NBPF12: variants seen among roughly 807,000 people sequenced by gnomAD.
NBPF12 encodes NBPF family member NBPF12.
A neutral mutation model predicts 146.4 loss-of-function variants in NBPF12; 115 were observed. The ratio of observed to expected loss-of-function variants is 0.79; its 90% confidence interval spans 0.68 to 0.92. The LOEUF (loss-of-function observed/expected upper bound fraction) is 0.92, where lower values mean the gene tolerates loss of function less well. Among genes scored for constraint, NBPF12 ranks in the 40% least tolerant of loss-of-function variants. NBPF12 has a pLI of 0.00. For missense variants in NBPF12, 1,205 were observed against 1,326.8 expected, an observed-to-expected ratio of 0.91 and a Z score of 1.43; for synonymous variants, 385 against 508.9, an observed-to-expected ratio of 0.76 and a Z score of 3.28.
intron 1 of NBPF12, among the ~76,000 whole-genome samples, chr1:146,941,758 CAA>C (rs1226007703): frequency 9.7e-5 from 6 of 61,832 alleles, no homozygotes; most frequent in South Asian, 5.6e-4. Flanking sequence ...TGTCTTGTAC[CAA>C]AAAAAAAAAA....
chr1:146,970,203 G>A lies in NBPF12; in HGVS notation c.1307-444G>A, dbSNP rs1354669373. Among the ~76,000 whole-genome samples, 43 of 150,662 alleles carry A rather than the reference G, an allele frequency of 2.9e-4. 2 individuals carry two copies. Among genetic ancestry groups the A allele is most frequent in the Non-Finnish European group, 4.7e-4 (32 of 67,934 alleles). ...GGATAGAATGTCCCTGAATAACACA[G>A]CAGAAGCCACATGGAGGGCCTGTGC... On this transcript the variant is annotated intron_variant, in intron 11 of 33. Coordinates refer to ENST00000617844, the Ensembl canonical transcript of NBPF12.
At chr1:146,994,097 TGTCTC>T (rs1658358702) in intron 33 of NBPF12, among the ~76,000 whole-genome samples, 1 of 66,560 alleles carries the variant, frequency 1.5e-5, no homozygotes, top group Non-Finnish European at 3.2e-5. Flanking sequence ...ACTTTCTCTC[TGTCTC>T]TGTCTCTGTC....
At chr1:146,966,048 A>C (rs1312506511) in intron 8 of NBPF12, among the ~76,000 whole-genome samples, 21 of 151,826 alleles carry the variant, frequency 1.4e-4, no homozygotes, top group Non-Finnish European at 2.6e-4. Context: ...CAGAGGTGGC[A>C]GTGAGCTGAG....
rs2101904931 is a variant in NBPF12 at position 146,982,989 on chromosome 1, ACT to A, written c.2518_2519del (p.Ser840AsnfsTer4). 1.2e-6 allele frequency: 2 copies of A among 1,608,552 alleles called. No homozygotes were observed. Among genetic ancestry groups the A allele is most frequent in the Non-Finnish European group, 1.7e-6 (2 of 1,179,472 alleles). On this transcript the variant is annotated frameshift_variant, in exon 20 of 34. Coordinates refer to ENST00000617844, the Ensembl canonical transcript of NBPF12. LOFTEE classifies it high-confidence loss of function. Reference sequence around the variant, plus strand: ...GGAGTCCTGGGATGAAGGTTATTCGACTCTCTCAATTCCTCCTGAAAGGTTGG... The same window carrying A: ...GGAGTCCTGGGATGAAGGTTATTCGACTCTCAATTCCTCCTGAAAGGTTGG...
At chr1:146,976,771 A>G (rs1223805218) in intron 16 of NBPF12, among the ~76,000 whole-genome samples, 158 bp from the exon 20 acceptor site, 4 of 150,162 alleles carry the variant, frequency 2.7e-5, no homozygotes, top group Non-Finnish European at 5.9e-5. Flanking sequence ...ATGGACCAGG[A>G]AACCATGCCA....
At chr1:146,938,504 G>A (rs1654633681), upstream of NBPF12, among the ~76,000 whole-genome samples, 1 of 152,276 alleles carries the variant, frequency 6.6e-6, no homozygotes, top group African/African-American at 2.4e-5. Context: ...GAGGCGGAGG[G>A]GAGAGAGGGA....
At chr1:146,964,130 G>A (rs1425181658) in intron 6 of NBPF12, among the ~76,000 whole-genome samples, 5 of 145,576 alleles carry the variant, frequency 3.4e-5, no homozygotes, top group South Asian at 2.4e-4. Flanking sequence ...GAAGCAAAAG[G>A]TCTTTTCAGT....
At chr1:146,995,237 G>T (rs1238768615) in exon 34 of NBPF12, 2 of 124,688 alleles carry the variant, frequency 1.6e-5, no homozygotes, top group African/African-American at 6.7e-5. Context: ...GAGAACAGGA[G>T]TCAGGAGCCG....
At chr1:146,962,396 C>A in intron 5 of NBPF12, 133 bp downstream of exon 8, 2 of 730,002 alleles carry the variant, frequency 2.7e-6, no homozygotes, top group South Asian at 3.1e-5. Flanking sequence ...GCTCATGACA[C>A]ACAAATATTT....
intron 13 of NBPF12, 77 bp from the exon 17 acceptor site, chr1:146,972,674 C>G: frequency 8.5e-7 from 1 of 1,173,234 alleles, no homozygotes; most frequent in Non-Finnish European, 1.3e-6. Context: ...CTACCAGTGA[C>G]ATCCCTCAGT....
chr1:146,944,990 TCCTC>T (rs1264955935), upstream of NBPF12, among the ~76,000 whole-genome samples: 18 of 16,552 alleles, frequency 1.1e-3, no homozygotes, highest in African/African-American at 4.2e-3. Flanking sequence ...CTGCCTTCCT[TCCTC>T]CCTCCCTCCC....
intron 19 of NBPF12, among the ~76,000 whole-genome samples, chr1:146,981,206 A>G (rs1334722394): frequency 7.2e-6 from 1 of 139,482 alleles, no homozygotes; most frequent in Non-Finnish European, 1.5e-5. Context: ...GGTGAAGCAC[A>G]CCAATGTGGA....
At chr1:146,994,583 T>C (rs11578954) in exon 34 of NBPF12, 4 of 1,607,228 alleles carry the variant, frequency 2.5e-6, no homozygotes, top group Non-Finnish European at 3.4e-6. Context: ...TAAGCAGCCC[T>C]TACTAAGCCG....
chr1:146,970,141 G>T lies in NBPF12; in HGVS notation c.1307-506G>T, dbSNP rs1345785230. Among the ~76,000 whole-genome samples the T allele has an allele frequency of 1.6e-3, 244 of 149,336 alleles. 3 individuals carry two copies. The highest frequency in any genetic ancestry group is 4.8e-3 in the African/African-American group (188 of 39,140). The stretch of plus-strand genomic sequence containing the variant: ...GAAGGCACTTGATGTGGGGGCATTT[G>T]GTGGTAGGAAGTGCTTCAGACTGGA... On this transcript the variant is annotated intron_variant, in intron 11 of 33. Coordinates refer to ENST00000617844, the Ensembl canonical transcript of NBPF12.
chr1:146,991,554 A>C, intron 30 of NBPF12, among the ~76,000 whole-genome samples: 1 of 152,270 alleles, frequency 6.6e-6, no homozygotes, highest in Non-Finnish European at 1.5e-5. Context: ...CAGATGTAAA[A>C]AATTCACAGA....
upstream of NBPF12, among the ~76,000 whole-genome samples, chr1:146,944,918 C>A (rs1178768092): frequency 8.8e-6 from 1 of 114,016 alleles, no homozygotes; most frequent in African/African-American, 3.7e-5. Flanking sequence ...CTTCCTCCCT[C>A]CCTCCCTGCC....
intron 19 of NBPF12, among the ~76,000 whole-genome samples, chr1:146,981,217 C>T (rs1169796196): frequency 8.5e-5 from 11 of 129,502 alleles, no homozygotes; most frequent in Non-Finnish European, 1.6e-4. Flanking sequence ...CCAATGTGGA[C>T]ATGTATACAT....
At chr1:146,965,515 G>C (rs1469207632) in intron 8 of NBPF12, among the ~76,000 whole-genome samples, 1 of 150,926 alleles carries the variant, frequency 6.6e-6, no homozygotes, top group Non-Finnish European at 1.5e-5. Context: ...GGGCACAGTG[G>C]GTTCCACCTG....
intron 1 of NBPF12, among the ~76,000 whole-genome samples, chr1:146,950,086 A>G (rs1418947655): frequency 6.6e-6 from 1 of 152,036 alleles, no homozygotes; most frequent in Non-Finnish European, 1.5e-5. Flanking sequence ...ATGTTTGGGG[A>G]CCATTTCAGA....
Sources: allele counts gnomAD v4.1 joint callset (sites outside exome capture counted in the v4.1 genomes callset), GRCh38; gene constraint gnomAD v4.1.1; transcripts MANE v1.5; gene names NCBI Gene and HGNC (gene_info 2026-07-23, HGNC 2026-07-21).